ELAPOR2: variants seen among roughly 807,000 people sequenced by gnomAD.
ELAPOR2 encodes endosome/lysosome-associated apoptosis and autophagy regulator family member 2.
A neutral mutation model predicts 120.7 loss-of-function variants in ELAPOR2; 89 were observed. The observed-to-expected ratio is 0.74, with a 90% CI of 0.62 to 0.88. The LOEUF is 0.88. Ranked by LOEUF, ELAPOR2 falls within the 40% of genes least tolerant of loss-of-function variation. The pLI, the probability that ELAPOR2 is intolerant of heterozygous loss-of-function variation, is 0.00. For synonymous variants in ELAPOR2, 444 were observed against 444.9 expected (o/e 1.00, Z 0.03); for missense variants, 1,134 against 1,251.6 (o/e 0.91, Z 1.42).
intron 2 of ELAPOR2, among the ~76,000 whole-genome samples, chr7:86,962,310 T>C (rs1167435115): frequency 6.6e-6 from 1 of 152,192 alleles, no homozygotes; most frequent in African/African-American, 2.4e-5. Context: ...TTTTAAAGAA[T>C]TTTTAGCAGT....
intron 1 of ELAPOR2, among the ~76,000 whole-genome samples, chr7:87,033,411 A>G (rs1794480195): frequency 6.6e-6 from 1 of 152,240 alleles, no homozygotes; most frequent in Admixed American, 6.5e-5. Flanking sequence ...TTAATTTCTA[A>G]AAACCAGTGG....
chr7:86,925,310 A>G (rs547332742), intron 10 of ELAPOR2, among the ~76,000 whole-genome samples: 1 of 152,092 alleles, frequency 6.6e-6, no homozygotes, highest in African/African-American at 2.4e-5. Context: ...TACTGCCTAA[A>G]AAAAATGCAA....
intron 1 of ELAPOR2, among the ~76,000 whole-genome samples, chr7:87,051,344 A>G (rs997991197): frequency 1.3e-5 from 2 of 152,228 alleles, no homozygotes; most frequent in African/African-American, 4.8e-5. Context: ...ATGTTTCACA[A>G]CGTATAACTT....
At chr7:87,006,114 A>G (rs567629835) in intron 1 of ELAPOR2, among the ~76,000 whole-genome samples, 3 of 152,162 alleles carry the variant, frequency 2.0e-5, no homozygotes, top group Non-Finnish European at 4.4e-5. Flanking sequence ...AACCACTGCT[A>G]GCTAACCTTT....
intron 1 of ELAPOR2, among the ~76,000 whole-genome samples, chr7:87,017,030 T>G (rs564334267): frequency 6.6e-6 from 1 of 152,192 alleles, no homozygotes; most frequent in African/African-American, 2.4e-5. Flanking sequence ...AAAAATAAAT[T>G]AGAGAGGAAG....
At chr7:86,923,229 A>C (rs1789905761) in intron 10 of ELAPOR2, among the ~76,000 whole-genome samples, 1 of 151,972 alleles carries the variant, frequency 6.6e-6, no homozygotes, top group African/African-American at 2.4e-5. Flanking sequence ...CTAGTGTTCA[A>C]TATACAGTAG....
chr7:86,888,300 C>A (rs1163823789), intron 21 of ELAPOR2, among the ~76,000 whole-genome samples: 3 of 152,014 alleles, frequency 2.0e-5, no homozygotes, highest in Non-Finnish European at 4.4e-5. Context: ...ATTATAGTTA[C>A]TGAAATGAGA....
At chr7:86,940,177 C>A (rs1211948621) in intron 5 of ELAPOR2, 62 bp from the exon 6 acceptor site, 28 of 947,466 alleles carry the variant, frequency 3.0e-5, no homozygotes, top group Non-Finnish European at 4.5e-5. Context: ...AAAAGCTACT[C>A]CCTTACATAC....
At chr7:86,895,658 A>G (rs1245792575) in intron 19 of ELAPOR2, among the ~76,000 whole-genome samples, 2 of 152,106 alleles carry the variant, frequency 1.3e-5, no homozygotes, top group Non-Finnish European at 2.9e-5. Context: ...ACCAAGGAAG[A>G]GAGTTTGAAT....
At chr7:86,894,544 C>T (rs577842911) in intron 19 of ELAPOR2, among the ~76,000 whole-genome samples, 4 of 151,970 alleles carry the variant, frequency 2.6e-5, no homozygotes, top group Non-Finnish European at 4.4e-5. Flanking sequence ...AATCTTAAAA[C>T]TTCAAAATTA....
chr7:87,030,402 G>A (rs1794387220), intron 1 of ELAPOR2, among the ~76,000 whole-genome samples: 1 of 151,724 alleles, frequency 6.6e-6, no homozygotes, highest in Non-Finnish European at 1.5e-5. Flanking sequence ...ATGCAAACAT[G>A]TTAGTCAACA....
At chr7:86,982,323 G>A (rs183772515) in intron 1 of ELAPOR2, among the ~76,000 whole-genome samples, 1 of 152,248 alleles carries the variant, frequency 6.6e-6, no homozygotes, top group Admixed American at 6.5e-5. Flanking sequence ...TCCCAGCATG[G>A]TGTTTGAGCT....
At chr7:86,892,780 G>A in intron 20 of ELAPOR2, 142 bp downstream of exon 20, 1 of 602,944 alleles carries the variant, frequency 1.7e-6, no homozygotes, top group East Asian at 3.4e-5. Context: ...CTTTCTCAAG[G>A]CCTTTCCTAT....
chr7:87,029,723 T>C (rs1794367852), intron 1 of ELAPOR2, among the ~76,000 whole-genome samples: 1 of 152,126 alleles, frequency 6.6e-6, no homozygotes, highest in African/African-American at 2.4e-5. Context: ...ATAATAAGCA[T>C]GTTTACAGAA....
chr7:87,027,309 T>C (rs779645396), intron 1 of ELAPOR2, among the ~76,000 whole-genome samples: 2 of 152,156 alleles, frequency 1.3e-5, no homozygotes, highest in South Asian at 2.1e-4. Flanking sequence ...GTTCATTTTA[T>C]ATCAGAAAAG....
chr7:86,893,079 C>A lies in ELAPOR2; in HGVS notation c.2707G>T (p.Glu903Ter). Residue 903 changes from glutamate to a stop codon, truncating the protein, a stop_gained, in exon 20 of 22, where the codon GAA becomes TAA. Coordinates refer to ENST00000450689, the MANE Select transcript of ELAPOR2 (RefSeq NM_001142749.3). LOFTEE classifies it high-confidence loss of function. ...GFQETLYVWN[E>*]PKWCIKGISL... ...ATTCCTTTAATGCACCATTTAGGTT[C>A]ATTCCACACATACAAGGTTTCCTTT... The A allele has an allele frequency of 6.4e-7, 1 of 1,551,954 alleles. No individual in the cohort carries two copies. Among genetic ancestry groups the A allele is most frequent in the Non-Finnish European group, 8.6e-7 (1 of 1,157,458 alleles).
chr7:86,891,819 T>C lies in ELAPOR2; in HGVS notation c.2935A>G (p.Ser979Gly). Residue 979 changes from serine to glycine, a missense_variant, in exon 21 of 22, where the codon AGT becomes GGT. Physicochemically the swap from Ser to Gly is moderately conservative, Grantham distance 56 (BLOSUM62 0). This residue lies in a region of ELAPOR2 where 831 missense variants were observed against 867.6 expected (regional missense o/e 0.96). Coordinates refer to ENST00000450689, the MANE Select transcript of ELAPOR2 (RefSeq NM_001142749.3). ...SKECELPAAD[S>G]CAIMEGEDNE... The stretch of plus-strand genomic sequence containing the variant: ...TCTTCTCCTTCCATGATAGCACAAC[T>C]GTCTGCAGCCGGGAGTTCACACTCT... 6.2e-7 allele frequency: 1 copy of C among 1,612,284 alleles called. No homozygotes were observed. The highest frequency in any genetic ancestry group is 8.5e-7 in the Non-Finnish European group (1 of 1,178,878).
Position 86,893,041 on chromosome 7 carries a change from C to A in ELAPOR2, c.2745G>T (p.Glu915Asp). 6.3e-7 allele frequency: 1 copy of A among 1,584,024 alleles called. No individual in the cohort carries two copies. The change falls in exon 20 of 22, where the codon GAG becomes GAT. Residue 915 changes from glutamate (E) to aspartate (D), a missense_variant. Around this residue, in one of 3 missense-constraint regions of ELAPOR2, gnomAD observed 831 missense variants for 867.6 expected, o/e 0.96. Transcript: ENST00000450689. The part of the protein sequence containing the change: ...KWCIKGISLP[E>D]KKLATCETVD... ...CCGTTTCACAGGTTGCCAACTTTTT[C>A]TCAGGCAAAGAAATTCCTTTAATGC...
At chr7:86,945,235 C>T (rs899125246) in intron 3 of ELAPOR2, among the ~76,000 whole-genome samples, 189 bp from the exon 4 acceptor site, 5 of 152,110 alleles carry the variant, frequency 3.3e-5, no homozygotes, top group African/African-American at 9.7e-5. Context: ...CAAATAACTT[C>T]GTAAATCTTT....
Sources: allele counts gnomAD v4.1 joint callset (sites outside exome capture counted in the v4.1 genomes callset), GRCh38; gene constraint gnomAD v4.1.1; regional missense constraint gnomAD v4.1.1; transcripts MANE v1.5; gene names NCBI Gene and HGNC (gene_info 2026-07-23, HGNC 2026-07-21).